Variants in FRG1 observed in about 807,000 individuals in gnomAD.
FRG1 encodes the protein protein FRG1.
In FRG1, 19 loss-of-function variants were observed where a neutral mutation model predicts 37.0. The ratio of observed to expected loss-of-function variants is 0.51; its 90% CI spans 0.36 to 0.75. The LOEUF (loss-of-function observed/expected upper bound fraction) is 0.75, where lower values mean the gene tolerates loss of function less well. FRG1 is among the 30% of genes least tolerant of loss of function. The probability of loss-of-function intolerance (pLI) is 0.00; values close to 1 mark genes in which losing one functional copy is unlikely to be tolerated. For synonymous variants in FRG1, 73 were observed against 96.5 expected (o/e 0.76, Z 1.43); for missense variants, 243 against 301.4 (o/e 0.81, Z 1.44).
At chr4:189,948,660 T>A (rs1168127099) in intron 2 of FRG1, among the ~76,000 whole-genome samples, 1 of 152,146 alleles carries the variant, frequency 6.6e-6, no homozygotes, top group Non-Finnish European at 1.5e-5. Flanking sequence ...TACTATCTTA[T>A]CAGCCATGAC....
At chr4:189,943,063 G>A (rs1388122885) in intron 1 of FRG1, 139 bp from the exon 2 acceptor site, 1 of 888,586 alleles carries the variant, frequency 1.1e-6, no homozygotes, top group Non-Finnish European at 1.7e-6. Flanking sequence ...CTGTATTTAA[G>A]AGGGCATATC....
chr4:189,957,335 A>C, intron 5 of FRG1, 63 bp from the exon 6 acceptor site: 1 of 1,537,848 alleles, frequency 6.5e-7, no homozygotes, highest in South Asian at 1.2e-5. Flanking sequence ...ATTCAGTCTA[A>C]ACACTTAATG....
rs991801109 is a variant in FRG1, at chr4:189,958,134, T to C, written c.537+632T>C. Among the ~76,000 whole-genome samples, 19 of 151,740 alleles carry C rather than the reference T, an allele frequency of 1.3e-4. 1 individual carries two copies. The highest frequency in any genetic ancestry group is 1.0e-3 in the Admixed American group (16 of 15,246). On this transcript the variant is annotated intron_variant, in intron 6 of 8. Coordinates refer to ENST00000226798, the MANE Select transcript of FRG1 (RefSeq NM_004477.3). Reference sequence around the variant, plus strand: ...TCTCTTTTTCTTGCTTTTCCTCTCTTTCTCTCTCTCTCAACAGCCACATAA... The same window carrying C: ...TCTCTTTTTCTTGCTTTTCCTCTCTCTCTCTCTCTCTCAACAGCCACATAA...
At chr4:189,943,098 A>C (rs372101555) in intron 1 of FRG1, 104 bp from the exon 2 acceptor site, 1 of 1,280,228 alleles carries the variant, frequency 7.8e-7, no homozygotes, top group African/African-American at 1.5e-5. Context: ...TAAATCAATA[A>C]TTTATAAATG....
chr4:189,960,667 G>A (rs1185008717), intron 6 of FRG1, 81 bp from the exon 7 acceptor site: 51 of 1,213,324 alleles, frequency 4.2e-5, no homozygotes, highest in African/African-American at 6.1e-5. Flanking sequence ...AAATCATCTC[G>A]AATGTTCTTA....
At chr4:189,958,511 A>G (rs1205962991) in intron 6 of FRG1, among the ~76,000 whole-genome samples, 96 of 152,376 alleles carry the variant, frequency 6.3e-4, no homozygotes, top group South Asian at 2.7e-3. Context: ...CACATAAAAC[A>G]TGATTTTTAT....
Position 189,941,041 on chromosome 4 carries a change from A to G in FRG1, c.32A>G (p.Lys11Arg), listed in dbSNP as rs1561059643. 3.7e-6 allele frequency: 6 copies of G among 1,614,146 alleles called. No homozygotes were observed. The Middle Eastern group carries it at 4.9e-4, about 133-fold the overall frequency. MAEYSYVKST[K>R]LVLKGTKTKS... The stretch of plus-strand genomic sequence containing the variant: ...GAGTACTCCTACGTGAAGTCTACCA[A>G]GCTCGTGCTCAAGGGAACCAAGACG... The change falls in exon 1 of 9, where the codon AAG (lysine) becomes AGG (arginine). Residue 11 changes from lysine to arginine, a missense_variant. Lys to Arg is a conservative substitution (Grantham distance 26). Coordinates refer to ENST00000226798, the MANE Select transcript of FRG1 (RefSeq NM_004477.3).
intron 4 of FRG1, 75 bp downstream of exon 4, chr4:189,953,200 T>A (rs1736835768): frequency 6.7e-7 from 1 of 1,483,880 alleles, no homozygotes; most frequent in Non-Finnish European, 8.9e-7. Context: ...AATTTTAGTA[T>A]CTGTCTTAAG....
At chr4:189,957,880 C>T (rs1281830335) in intron 6 of FRG1, among the ~76,000 whole-genome samples, 5 of 152,152 alleles carry the variant, frequency 3.3e-5, no homozygotes, top group African/African-American at 7.2e-5. Context: ...CATGTGAAGA[C>T]GTATGCCTGC....
chr4:189,941,888 CAG>C, intron 1 of FRG1: 1 of 439,806 alleles, frequency 2.3e-6, no homozygotes, highest in Non-Finnish European at 4.5e-6. Context: ...CCGTGATAAA[CAG>C]AGGTTTTGAT....
intron 2 of FRG1, among the ~76,000 whole-genome samples, chr4:189,947,099 T>G (rs7691161): frequency 0.42 from 64,398 of 152,172 alleles, 15,906 homozygotes; most frequent in African/African-American, 0.69. Flanking sequence ...CAGGTGATCC[T>G]CCCGCCTCGG....
chr4:189,945,244 G>T (rs192530863), intron 2 of FRG1, among the ~76,000 whole-genome samples: 33 of 152,124 alleles, frequency 2.2e-4, no homozygotes, highest in African/African-American at 7.9e-4. Context: ...CTTTTGTCTT[G>T]TCTTTCTTTT....
chr4:189,955,069 T>A lies in FRG1; in HGVS notation c.350T>A (p.Leu117His). ...CTGAAGTCTGGCTATGGAAAATATC[T>A]TGGTATAAATTCAGATGGACTTGTT... is the stretch of plus-strand genomic sequence containing the variant. Reference protein sequence around the residue: ...IALKSGYGKYLGINSDGLVVG... With the variant: ...IALKSGYGKYHGINSDGLVVG... Residue 117 changes from leucine to histidine, a missense_variant, in exon 5 of 9, where the codon CTT becomes CAT. Transcript: ENST00000226798. 1 of 1,613,194 alleles carries A rather than the reference T, an allele frequency of 6.2e-7. No individual in the cohort carries two copies. The highest frequency in any genetic ancestry group is 2.2e-5 in the East Asian group (1 of 44,864).
chr4:189,943,443 G>A (rs944731264), intron 2 of FRG1, among the ~76,000 whole-genome samples, 171 bp downstream of exon 2: 4 of 152,106 alleles, frequency 2.6e-5, no homozygotes, highest in African/African-American at 9.7e-5. Flanking sequence ...AGATGCTACT[G>A]ATGCCTTTAC....
chr4:189,942,438 C>G (rs1736351206), intron 1 of FRG1, among the ~76,000 whole-genome samples: 2 of 152,164 alleles, frequency 1.3e-5, no homozygotes, highest in Admixed American at 6.5e-5. Flanking sequence ...GTGAAATCGC[C>G]TATTCTGAAT....
intron 2 of FRG1, among the ~76,000 whole-genome samples, chr4:189,950,876 A>G (rs1736723851): frequency 6.6e-6 from 1 of 152,144 alleles, no homozygotes; most frequent in Non-Finnish European, 1.5e-5. Flanking sequence ...ATAAACGTAC[A>G]TTTCTTAACG....
chr4:189,960,096 A>G (rs867754393), intron 6 of FRG1, among the ~76,000 whole-genome samples: 1 of 152,336 alleles, frequency 6.6e-6, no homozygotes, highest in African/African-American at 2.4e-5. Flanking sequence ...ATTTGTCATC[A>G]CTTTCTAAGC....
chr4:189,957,331 T>G (rs1416283261), intron 5 of FRG1, 67 bp from the exon 6 acceptor site: 4 of 1,534,344 alleles, frequency 2.6e-6, no homozygotes, highest in South Asian at 1.2e-5. Flanking sequence ...ATTAATTCAG[T>G]CTAAACACTT....
chr4:189,949,667 CTATTA>C (rs912184326), intron 2 of FRG1, among the ~76,000 whole-genome samples: 34 of 152,136 alleles, frequency 2.2e-4, no homozygotes, highest in African/African-American at 7.7e-4. Flanking sequence ...AAATCATTAA[CTATTA>C]TATTTATAAG....
Sources: gnomAD v4.1 joint callset for allele counts (sites outside exome capture counted in the v4.1 genomes callset) on GRCh38, gnomAD v4.1.1 for gene constraint, MANE v1.5 for transcripts, NCBI Gene and HGNC (gene_info 2026-07-23, HGNC 2026-07-21) for gene names.